TENM3: variants seen among roughly 807,000 people sequenced by gnomAD.
TENM3 encodes the protein teneurin transmembrane protein 3, also known as teneurin-3.
In TENM3, 63 loss-of-function variants were observed where a neutral mutation model predicts 255.1. The ratio of observed to expected loss-of-function variants is 0.25; its 90% CI spans 0.20 to 0.30. The LOEUF (loss-of-function observed/expected upper bound fraction) is 0.30, where lower values mean the gene tolerates loss of function less well. Ranked by LOEUF, TENM3 falls within the 10% of genes least tolerant of loss-of-function variation. TENM3 has a pLI of 1.00. For synonymous variants in TENM3, 1,306 were observed against 1,322.3 expected, an observed-to-expected ratio of 0.99 and a Z score of 0.27; for missense variants, 2,929 against 3,461.1, an observed-to-expected ratio of 0.85 and a Z score of 3.86.
chr4:181,798,034 C>T, the TENM3 span, among the ~76,000 whole-genome samples: 214 of 152,066 alleles, frequency 1.4e-3, 1 homozygote, highest in African/African-American at 4.9e-3. Context: ...TATTCTCTTT[C>T]TTGCCTATTT....
intron 1 of TENM3, among the ~76,000 whole-genome samples, chr4:182,302,901 T>C (rs978492407): frequency 2.6e-5 from 4 of 152,202 alleles, no homozygotes; most frequent in African/African-American, 7.2e-5. Flanking sequence ...TAATGGAAGA[T>C]CCTGACCACA....
At chr4:181,500,397 G>T in the TENM3 span, among the ~76,000 whole-genome samples, 16 of 152,058 alleles carry the variant, frequency 1.1e-4, no homozygotes, top group Admixed American at 2.0e-4. Context: ...GATCGGGGGT[G>T]GGGGAGGCTG....
At chr4:181,957,368 G>A in the TENM3 span, among the ~76,000 whole-genome samples, 2 of 152,104 alleles carry the variant, frequency 1.3e-5, no homozygotes, top group South Asian at 4.1e-4. Context: ...GACTATTTCA[G>A]CAAGGGGGCG....
the TENM3 span, among the ~76,000 whole-genome samples, chr4:181,846,504 G>A: frequency 0.95 from 144,914 of 152,250 alleles, 69,373 homozygotes; most frequent in East Asian, 1. Flanking sequence ...TTTTGTTTGA[G>A]TCATTTTGGT....
the TENM3 span, among the ~76,000 whole-genome samples, chr4:181,489,656 C>T: frequency 6.6e-6 from 1 of 152,154 alleles, no homozygotes; most frequent in Non-Finnish European, 1.5e-5. Context: ...TATATGTGTA[C>T]ATGCATGTGT....
intron 1 of TENM3, among the ~76,000 whole-genome samples, chr4:182,293,039 C>T (rs1761224483): frequency 6.6e-6 from 1 of 152,222 alleles, no homozygotes; most frequent in Admixed American, 6.5e-5. Flanking sequence ...CTGATTGCTT[C>T]CGTGTGTTGC....
chr4:181,642,311 T>C, the TENM3 span, among the ~76,000 whole-genome samples: 928 of 152,248 alleles, frequency 6.1e-3, 13 homozygotes, highest in African/African-American at 0.021. Context: ...CACTTTTTGA[T>C]GGGGTGGTTA....
the TENM3 span, among the ~76,000 whole-genome samples, chr4:182,105,644 A>G: frequency 6.6e-6 from 1 of 152,218 alleles, no homozygotes; most frequent in Non-Finnish European, 1.5e-5. Flanking sequence ...AGAGCACATC[A>G]GTCTCCCAGT....
chr4:181,638,201 C>G, the TENM3 span, among the ~76,000 whole-genome samples: 10 of 152,148 alleles, frequency 6.6e-5, no homozygotes, highest in African/African-American at 2.4e-4. Context: ...CTACTTATCC[C>G]ACACAGACTG....
chr4:182,787,627 G>A (rs1003133028), intron 24 of TENM3, among the ~76,000 whole-genome samples: 37 of 151,528 alleles, frequency 2.4e-4, no homozygotes, highest in African/African-American at 8.2e-4. Context: ...CCAGCTACTC[G>A]GGAGGCTGAG....
chr4:182,623,944 G>A (rs894752533), intron 4 of TENM3, among the ~76,000 whole-genome samples: 7 of 152,160 alleles, frequency 4.6e-5, no homozygotes, highest in Admixed American at 2.6e-4. Context: ...GAATCTCTGC[G>A]AGGCTCCCTG....
chr4:181,787,851 C>A, the TENM3 span, among the ~76,000 whole-genome samples: 9 of 152,050 alleles, frequency 5.9e-5, no homozygotes, highest in African/African-American at 2.2e-4. Flanking sequence ...ATGTGTAAAA[C>A]CTAGCCAAGC....
chr4:182,457,054 A>G (rs564214433), intron 3 of TENM3, among the ~76,000 whole-genome samples: 9 of 151,974 alleles, frequency 5.9e-5, no homozygotes, highest in Admixed American at 2.6e-4. Context: ...GCGTGGTGAC[A>G]TGCGCCTGTA....
the TENM3 span, among the ~76,000 whole-genome samples, chr4:181,637,390 G>A: frequency 6.6e-6 from 1 of 152,198 alleles, no homozygotes; most frequent in Non-Finnish European, 1.5e-5. Flanking sequence ...TCAGCACATG[G>A]GTGGGGAATG....
the TENM3 span, among the ~76,000 whole-genome samples, chr4:182,080,872 T>C: frequency 6.6e-6 from 1 of 152,084 alleles, no homozygotes; most frequent in Non-Finnish European, 1.5e-5. Context: ...GCGCTTGTTG[T>C]CCCAGCTACT....
At chr4:181,831,295 G>C in the TENM3 span, among the ~76,000 whole-genome samples, 1 of 152,114 alleles carries the variant, frequency 6.6e-6, no homozygotes, top group Non-Finnish European at 1.5e-5. Flanking sequence ...TTGATTAGCA[G>C]TGTCTCTTTT....
At chr4:182,521,871 C>A (rs1160875498) in intron 3 of TENM3, among the ~76,000 whole-genome samples, 1 of 152,074 alleles carries the variant, frequency 6.6e-6, no homozygotes, top group Non-Finnish European at 1.5e-5. Flanking sequence ...AGTCAAGATT[C>A]TCTTCCCATG....
the TENM3 span, among the ~76,000 whole-genome samples, chr4:181,941,881 G>A: frequency 6.6e-6 from 1 of 152,186 alleles, no homozygotes; most frequent in Non-Finnish European, 1.5e-5. Context: ...CATATCATAA[G>A]TAAATATTTT....
the TENM3 span, among the ~76,000 whole-genome samples, chr4:181,510,627 A>G: frequency 6.6e-6 from 1 of 152,250 alleles, no homozygotes; most frequent in African/African-American, 2.4e-5. Flanking sequence ...CATAAACACA[A>G]CTAAAAGGAA....
Sources: allele counts gnomAD v4.1 joint callset (sites outside exome capture counted in the v4.1 genomes callset), GRCh38; gene constraint gnomAD v4.1.1; transcripts MANE v1.5; gene names NCBI Gene and HGNC (gene_info 2026-07-23, HGNC 2026-07-21).